The following CDKAL1 variants were observed in gnomAD, a reference collection of about 807,000 sequenced individuals.
The protein encoded by CDKAL1 is threonylcarbamoyladenosine tRNA methylthiotransferase.
CDKAL1 carries 32 observed loss-of-function variants against 68.2 expected under a neutral mutation model. The ratio of observed to expected loss-of-function variants is 0.47; its 90% CI spans 0.35 to 0.63. CDKAL1 has a LOEUF of 0.63. Among genes scored for constraint, CDKAL1 ranks in the 30% least tolerant of loss-of-function variants. The probability of loss-of-function intolerance (pLI) is 0.00; values close to 1 mark genes in which losing one functional copy is unlikely to be tolerated. For synonymous variants in CDKAL1, 234 were observed against 244.3 expected, an observed-to-expected ratio of 0.96 and a Z score of 0.39; for missense variants, 606 against 696.7, an observed-to-expected ratio of 0.87 and a Z score of 1.47.
chr6:20,558,927 C>T (rs535908874), intron 4 of CDKAL1: 4 of 241,084 alleles, frequency 1.7e-5, no homozygotes, highest in African/African-American at 9.0e-5. Flanking sequence ...CCGTGGCTGG[C>T]CCTTAATATG....
intron 5 of CDKAL1, among the ~76,000 whole-genome samples, chr6:20,734,218 A>C (rs1165363523): frequency 6.6e-6 from 1 of 151,824 alleles, no homozygotes. Flanking sequence ...GGTTTTTGGA[A>C]GACAAGAGGG....
At chr6:20,623,998 A>G (rs1767310949) in intron 4 of CDKAL1, among the ~76,000 whole-genome samples, 1 of 152,068 alleles carries the variant, frequency 6.6e-6, no homozygotes, top group Non-Finnish European at 1.5e-5. Context: ...CTATGGTTAT[A>G]TTTTTTTAAA....
intron 4 of CDKAL1, among the ~76,000 whole-genome samples, chr6:20,550,642 G>A (rs1050262822): frequency 2.6e-5 from 4 of 152,016 alleles, no homozygotes. Flanking sequence ...AGGTCCTCTT[G>A]GGGGATGGAG....
intron 4 of CDKAL1, among the ~76,000 whole-genome samples, chr6:20,647,040 C>G (rs75170978): frequency 3.9e-5 from 6 of 152,130 alleles, no homozygotes; most frequent in African/African-American, 1.2e-4. Context: ...CACCTGCACC[C>G]GGCCCTTATT....
intron 5 of CDKAL1, among the ~76,000 whole-genome samples, chr6:20,725,242 A>G (rs564463504): frequency 2.6e-5 from 4 of 151,876 alleles, no homozygotes; most frequent in Admixed American, 2.0e-4. Flanking sequence ...AACTAATTAT[A>G]GATTTGTTTT....
chr6:20,722,371 G>A (rs768439892), intron 5 of CDKAL1: 45 of 216,270 alleles, frequency 2.1e-4, no homozygotes, highest in Non-Finnish European at 3.0e-4. Context: ...TTCTCCTCCC[G>A]GTTCAAAATG....
intron 10 of CDKAL1, among the ~76,000 whole-genome samples, chr6:20,999,442 G>C (rs1159312186): frequency 6.6e-6 from 1 of 151,770 alleles, no homozygotes; most frequent in Non-Finnish European, 1.5e-5. Flanking sequence ...TATCCTTGGA[G>C]GAATTTTTAA....
chr6:21,134,185 T>A (rs1305841727), intron 13 of CDKAL1, among the ~76,000 whole-genome samples: 3 of 152,164 alleles, frequency 2.0e-5, no homozygotes, highest in African/African-American at 7.2e-5. Context: ...AATTCAGAAG[T>A]CAAACAAAGT....
At chr6:20,573,351 A>AGTTTAAT (rs1764782698) in intron 4 of CDKAL1, among the ~76,000 whole-genome samples, 1 of 151,708 alleles carries the variant, frequency 6.6e-6, no homozygotes, top group South Asian at 2.1e-4. Flanking sequence ...ACACTTTTGC[A>AGTTTAAT]GTTTAATTTC....
chr6:21,075,500 C>A (rs184093054), intron 12 of CDKAL1, among the ~76,000 whole-genome samples: 37 of 151,980 alleles, frequency 2.4e-4, no homozygotes, highest in African/African-American at 8.2e-4. Flanking sequence ...AGAGTATAAT[C>A]CTCTTAACTT....
chr6:20,668,091 C>T (rs1375330369), intron 5 of CDKAL1, among the ~76,000 whole-genome samples: 1 of 151,882 alleles, frequency 6.6e-6, no homozygotes, highest in African/African-American at 2.4e-5. Context: ...CTCTTTCTTC[C>T]CTCCCTGCCT....
chr6:21,085,282 C>A (rs1020788009), intron 12 of CDKAL1, among the ~76,000 whole-genome samples: 1 of 152,156 alleles, frequency 6.6e-6, no homozygotes, highest in African/African-American at 2.4e-5. Flanking sequence ...ATAGTCAAAA[C>A]TGTAGTTAAA....
intron 15 of CDKAL1, among the ~76,000 whole-genome samples, chr6:21,215,851 A>G (rs939184143): frequency 1.3e-5 from 2 of 152,144 alleles, no homozygotes; most frequent in African/African-American, 4.8e-5. Context: ...ACCTGTGAAT[A>G]TGTTAGATTA....
At chr6:20,964,542 C>G (rs1765208134) in intron 10 of CDKAL1, among the ~76,000 whole-genome samples, 1 of 152,168 alleles carries the variant, frequency 6.6e-6, no homozygotes, top group Non-Finnish European at 1.5e-5. Flanking sequence ...CAAACTAACA[C>G]ACAAACAGAA....
chr6:20,794,770 C>G (rs749688581), intron 8 of CDKAL1, among the ~76,000 whole-genome samples: 11 of 152,078 alleles, frequency 7.2e-5, no homozygotes, highest in Non-Finnish European at 8.8e-5. Flanking sequence ...TCATGACAAA[C>G]AGAGGTTACT....
chr6:20,653,498 C>CTGAAA (rs1411038045), intron 5 of CDKAL1, among the ~76,000 whole-genome samples: 1 of 152,158 alleles, frequency 6.6e-6, no homozygotes, highest in Non-Finnish European at 1.5e-5. Context: ...GTCGCCCAGG[C>CTGAAA]TGAAGTGCAG....
intron 4 of CDKAL1, among the ~76,000 whole-genome samples, chr6:20,561,466 A>G (rs1017158346): frequency 6.7e-6 from 1 of 149,848 alleles, no homozygotes; most frequent in African/African-American, 2.5e-5. Context: ...AAAAAAAAAA[A>G]AAAAAGAACA....
At chr6:21,104,832 A>C (rs1773767579) in intron 12 of CDKAL1, among the ~76,000 whole-genome samples, 1 of 152,350 alleles carries the variant, frequency 6.6e-6, no homozygotes, top group South Asian at 2.1e-4. Context: ...GATAAAAAGC[A>C]CATATAAGTG....
At chr6:20,546,259 T>C (rs1763598178) in intron 2 of CDKAL1, 87 bp from the exon 3 acceptor site, 21 of 1,030,566 alleles carry the variant, frequency 2.0e-5, no homozygotes, top group Non-Finnish European at 2.8e-5. Flanking sequence ...CTTGATTAGA[T>C]TCAAATTTGG....
Sources: gnomAD v4.1 joint callset for allele counts (sites outside exome capture counted in the v4.1 genomes callset) on GRCh38, gnomAD v4.1.1 for gene constraint, MANE v1.5 for transcripts, NCBI Gene and HGNC (gene_info 2026-07-23, HGNC 2026-07-21) for gene names.